Variants in ZC2HC1B observed in about 807,000 individuals in gnomAD.
The protein encoded by ZC2HC1B is zinc finger C2HC domain-containing protein 1B.
Under a neutral mutation model 31.0 loss-of-function variants are expected in ZC2HC1B, and 36 were observed. That is an observed-to-expected ratio of 1.16 (90% CI 0.89 to 1.54). The LOEUF is 1.54. Ranked by LOEUF, ZC2HC1B falls within the 40% of genes most tolerant of loss-of-function variation. The pLI is 0.00. For missense variants in ZC2HC1B, 260 were observed against 268.6 expected (o/e 0.97, Z 0.22); for synonymous variants, 73 against 88.0 (o/e 0.83, Z 0.95).
Position 143,872,925 on chromosome 6 carries a change from A to C in ZC2HC1B, c.28+8358A>C, listed in dbSNP as rs141677493. 0.011 allele frequency among the ~76,000 whole-genome samples: 1,691 copies of C among 152,214 alleles called. 38 individuals are homozygous for C. The highest frequency in any genetic ancestry group is 0.058 in the Admixed American group (879 of 15,284). On this transcript the variant is annotated intron_variant, in intron 1 of 7. Transcript: ENST00000237275. The surrounding 1 kb of genome is among the most constrained non-coding windows in gnomAD (Gnocchi z 5.5). ...TATCATTCTGCCCCTGGCCCCTGAA[A>C]ATCTCATGTCCTCACATTTCAAAAC...
Position 143,868,532 on chromosome 6 carries a change from A to T in ZC2HC1B, c.28+3965A>T, listed in dbSNP as rs890780189. On this transcript the variant is annotated intron_variant, in intron 1 of 7. Coordinates refer to ENST00000237275, the MANE Select transcript of ZC2HC1B (RefSeq NM_001013623.3). This position sits in a 1 kb window ranked among gnomAD's most constrained non-coding sequence, Gnocchi z 4.2. ...AGGTGACTAGGTGGTGCCCACCCAG[A>T]TTAAGGATGAGTCTGCCTTCCCCAG... is the stretch of plus-strand genomic sequence containing the variant. Among the ~76,000 whole-genome samples the T allele has an allele frequency of 6.6e-6, 1 of 152,084 alleles. No individual in the cohort carries two copies. The highest frequency in any genetic ancestry group is 1.5e-5 in the Non-Finnish European group (1 of 68,024).
chr6:143,937,374 G>A (rs1284635833), intron 6 of ZC2HC1B, among the ~76,000 whole-genome samples: 9 of 152,156 alleles, frequency 5.9e-5, no homozygotes, highest in Non-Finnish European at 1.0e-4. Context: ...TGTATAAAGG[G>A]TGGGTCACTT....
At chr6:143,901,238 C>A (rs1468386755) in intron 5 of ZC2HC1B, among the ~76,000 whole-genome samples, 8 of 118,462 alleles carry the variant, frequency 6.8e-5, no homozygotes, top group Non-Finnish European at 1.4e-4. Context: ...TTCTTTCTTT[C>A]TTTCTTTCTT....
In ZC2HC1B at chr6:143,933,027, C is replaced by T. The variant is rs1200201132; in HGVS notation, c.599-4622C>T. The stretch of plus-strand genomic sequence containing the variant: ...GGTCTACCAGCCGTGGATACCAGCA[C>T]CTGTTCTGATGGAGGTGGCAGGGGA... On this transcript the variant is annotated intron_variant, in intron 6 of 7. Transcript: ENST00000237275. The surrounding 1 kb of genome is among the most constrained non-coding windows in gnomAD (Gnocchi z 6.4). Among the ~76,000 whole-genome samples the T allele has an allele frequency of 1.3e-5, 2 of 152,176 alleles. No individual in the cohort carries two copies. Among genetic ancestry groups the T allele is most frequent in the Non-Finnish European group, 2.9e-5 (2 of 68,032 alleles).
intron 4 of ZC2HC1B, among the ~76,000 whole-genome samples, chr6:143,889,436 A>G (rs1777570883): frequency 6.6e-6 from 1 of 152,122 alleles, no homozygotes; most frequent in African/African-American, 2.4e-5. Context: ...AGACCCAACT[A>G]TAAGTATTCC....
Position 143,899,398 on chromosome 6 carries a change from CAG to C in ZC2HC1B, c.489+708_489+709del, listed in dbSNP as rs138444440. 0.016 allele frequency among the ~76,000 whole-genome samples: 2,401 copies of C among 152,244 alleles called. 59 individuals are homozygous for C. Among genetic ancestry groups the C allele is most frequent in the African/African-American group, 0.055 (2,285 of 41,534 alleles). ...ACAGACTGTTTATTTATTTTTGAGA[CAG>C]GGGCTCACTCTGTTGCCCAGGCTGG... On this transcript the variant is annotated intron_variant, in intron 5 of 7. Coordinates refer to ENST00000237275, the MANE Select transcript of ZC2HC1B (RefSeq NM_001013623.3). This position sits in a 1 kb window ranked among gnomAD's most constrained non-coding sequence, Gnocchi z 5.0.
Position 143,886,883 on chromosome 6 carries a change from C to A in ZC2HC1B, c.349+62C>A. The A allele has an allele frequency of 7.6e-7, 1 of 1,312,782 alleles. No homozygotes were observed. The allele number at this position is 1,312,782 out of a possible 1,614,324, so 81.3% of individuals were successfully genotyped here. On this transcript the variant is annotated intron_variant, in intron 4 of 7. Transcript: ENST00000237275. This position sits in a 1 kb window ranked among gnomAD's most constrained non-coding sequence, Gnocchi z 4.2. ...TTGACTTTTGACCAAATCATCATGC[C>A]CTCTATGCACTCTGAAATTGACAAT... is the stretch of plus-strand genomic sequence containing the variant.
Position 143,886,115 on chromosome 6 carries a change from T to C in ZC2HC1B, c.174T>C (p.Thr58=). 1 of 1,549,300 alleles carries C rather than the reference T, an allele frequency of 6.5e-7. No homozygotes were observed. Among genetic ancestry groups the C allele is most frequent in the Non-Finnish European group, 8.7e-7 (1 of 1,146,254 alleles). ...CTTTGAAGCAAAGATTACAGGGCAC[T>C]GACATTCCTACTGTGAAGAAGACTC... is the stretch of plus-strand genomic sequence containing the variant. ...FSSLKQRLQG[T]DIPTVKKTPQ... is the part of the protein sequence containing the mutation. The change falls in exon 3 of 8, where the codon ACT becomes ACC. Residue 58 remains threonine (T), a synonymous_variant. Transcript: ENST00000237275. This position sits in a 1 kb window ranked among gnomAD's most constrained non-coding sequence, Gnocchi z 4.2.
intron 1 of ZC2HC1B, among the ~76,000 whole-genome samples, chr6:143,880,531 A>G (rs546450613): frequency 6.6e-6 from 1 of 152,104 alleles, no homozygotes; most frequent in Admixed American, 6.6e-5. Context: ...ATATTTTTCC[A>G]TGTTATTCTC....
chr6:143,915,847 T>C lies in ZC2HC1B; in HGVS notation c.598+12695T>C, dbSNP rs1777910560. Among the ~76,000 whole-genome samples the C allele has an allele frequency of 1.3e-5, 2 of 152,210 alleles. No homozygotes were observed. Among genetic ancestry groups the C allele is most frequent in the African/African-American group, 4.8e-5 (2 of 41,460 alleles). ...TGTGACTTGGGTGCTGTTAAAGGCA[T>C]TCAGTTTTAAAAGGGAAACTGAGCA... On this transcript the variant is annotated intron_variant, in intron 6 of 7. Coordinates refer to ENST00000237275, the MANE Select transcript of ZC2HC1B (RefSeq NM_001013623.3). This position sits in a 1 kb window ranked among gnomAD's most constrained non-coding sequence, Gnocchi z 5.2.
Position 143,934,340 on chromosome 6 carries a change from C to T in ZC2HC1B, c.599-3309C>T, listed in dbSNP as rs1290261661. On this transcript the variant is annotated intron_variant, in intron 6 of 7. Transcript: ENST00000237275. This position sits in a 1 kb window ranked among gnomAD's most constrained non-coding sequence, Gnocchi z 4.6. ...GTGAGTGTCCACACGCTGTTCTGTC[C>T]ATCCAAGTGGGAGCTACTTATCAGC... Among the ~76,000 whole-genome samples, 1 of 152,170 alleles carries T rather than the reference C, an allele frequency of 6.6e-6. No homozygotes were observed.
At chr6:143,937,278 G>C (rs1446280401) in intron 6 of ZC2HC1B, among the ~76,000 whole-genome samples, 3 of 152,192 alleles carry the variant, frequency 2.0e-5, no homozygotes, top group Non-Finnish European at 4.4e-5. Flanking sequence ...TCTCATGTGA[G>C]AGCTAGCAAA....
rs80065055 is a variant in ZC2HC1B at position 143,918,394 on chromosome 6, G to A, written c.598+15242G>A. On this transcript the variant is annotated intron_variant, in intron 6 of 7. Coordinates refer to ENST00000237275, the MANE Select transcript of ZC2HC1B (RefSeq NM_001013623.3). This position sits in a 1 kb window ranked among gnomAD's most constrained non-coding sequence, Gnocchi z 4.1. ...CACTTTGAATATGTTGGCCCACTGTGTTTCATCCTCCATGGTTTCTGATGA... is the reference window on the plus strand; with the variant it reads ...CACTTTGAATATGTTGGCCCACTGTATTTCATCCTCCATGGTTTCTGATGA... Among the ~76,000 whole-genome samples the A allele has an allele frequency of 7.7e-3, 1,168 of 152,154 alleles. 14 individuals are homozygous for A. The highest frequency in any genetic ancestry group is 0.017 in the Middle Eastern group (5 of 294).
At chr6:143,907,170 C>A (rs532518042) in intron 6 of ZC2HC1B, among the ~76,000 whole-genome samples, 4 of 152,190 alleles carry the variant, frequency 2.6e-5, no homozygotes, top group Non-Finnish European at 5.9e-5. Context: ...TTTTCTTTAT[C>A]CAGTCTATCA....
chr6:143,908,176 T>C lies in ZC2HC1B; in HGVS notation c.598+5024T>C, dbSNP rs1301605937. 6.6e-6 allele frequency among the ~76,000 whole-genome samples: 1 copy of C among 152,224 alleles called. No homozygotes were observed. The highest frequency in any genetic ancestry group is 1.5e-5 in the Non-Finnish European group (1 of 68,030). ...TAGTGTAATGCTGTTTTGGTTACTGTAGCCTTGTAGTGTAGTTTGAAGTTG... is the reference window on the plus strand; with the variant it reads ...TAGTGTAATGCTGTTTTGGTTACTGCAGCCTTGTAGTGTAGTTTGAAGTTG... On this transcript the variant is annotated intron_variant, in intron 6 of 7. Transcript: ENST00000237275. The surrounding 1 kb of genome is among the most constrained non-coding windows in gnomAD (Gnocchi z 4.4).
At chr6:143,930,247 C>A (rs1272955856) in intron 6 of ZC2HC1B, among the ~76,000 whole-genome samples, 1 of 151,436 alleles carries the variant, frequency 6.6e-6, no homozygotes, top group Non-Finnish European at 1.5e-5. Context: ...TGCTGTTTGT[C>A]AAAGGTTTTG....
rs1777545312 is a variant in ZC2HC1B, at chr6:143,887,586, A to G, written c.349+765A>G. On this transcript the variant is annotated intron_variant, in intron 4 of 7. Transcript: ENST00000237275. This position sits in a 1 kb window ranked among gnomAD's most constrained non-coding sequence, Gnocchi z 5.1. Reference sequence around the variant, plus strand: ...AACCCAGGATCCAATCACAGTTTACATATTACCTTTTGTTATCTCTTCGGT... The same window carrying G: ...AACCCAGGATCCAATCACAGTTTACGTATTACCTTTTGTTATCTCTTCGGT... 2.6e-5 allele frequency among the ~76,000 whole-genome samples: 4 copies of G among 152,126 alleles called. No homozygotes were observed. Among genetic ancestry groups the G allele is most frequent in the African/African-American group, 2.4e-5 (1 of 41,440 alleles).
At chr6:143,935,941 C>T (rs1320185085) in intron 6 of ZC2HC1B, among the ~76,000 whole-genome samples, 1 of 151,922 alleles carries the variant, frequency 6.6e-6, no homozygotes, top group Non-Finnish European at 1.5e-5. Context: ...TGAGCCACTG[C>T]CCCTGTCTTC....
In ZC2HC1B at chr6:143,885,817, G is replaced by A. The variant is rs963446619; in HGVS notation, c.91-215G>A. ...TTGAAGTAAGTCTTTTAGCTATAAA[G>A]GCATTTTATTGTCTTTGCTCAAGCA... On this transcript the variant is annotated intron_variant, in intron 2 of 7. Coordinates refer to ENST00000237275, the MANE Select transcript of ZC2HC1B (RefSeq NM_001013623.3). The surrounding 1 kb of genome is among the most constrained non-coding windows in gnomAD (Gnocchi z 4.2). Among the ~76,000 whole-genome samples the A allele has an allele frequency of 1.3e-4, 20 of 152,280 alleles. No homozygotes were observed. The highest frequency in any genetic ancestry group is 4.3e-4 in the African/African-American group (18 of 41,568).
Sources: allele counts gnomAD v4.1 joint callset (sites outside exome capture counted in the v4.1 genomes callset), GRCh38; gene constraint gnomAD v4.1.1; non-coding constraint Gnocchi (gnomAD v3.1); transcripts MANE v1.5; gene names NCBI Gene and HGNC (gene_info 2026-07-23, HGNC 2026-07-21).